The following TMEM132E variants were observed in gnomAD, a reference collection of about 807,000 sequenced individuals.
TMEM132E encodes transmembrane protein 132E.
TMEM132E carries 49 observed loss-of-function variants against 78.5 expected under a neutral mutation model. That is an observed-to-expected ratio of 0.62 (90% confidence interval 0.50 to 0.79). The LOEUF (loss-of-function observed/expected upper bound fraction) is 0.79. TMEM132E is among the 30% of genes least tolerant of loss of function. The pLI is 0.00. For missense variants in TMEM132E, 1,403 were observed against 1,470.9 expected (o/e 0.95, Z 0.75); for synonymous variants, 715 against 670.6 (o/e 1.07, Z -1.02).
Position 34,638,262 on chromosome 17 carries a change from C to A in TMEM132E, c.*30C>A, listed in dbSNP as rs780024023. ...GCCAGCCGGAGTAGCAGGGACCCCC[C>A]CCCCCAACGGGGTCAGCTCGGGGTA... On this transcript the variant is annotated 3_prime_UTR_variant, in exon 9 of 9. Transcript: ENST00000631683. The A allele has an allele frequency of 8.8e-6, 13 of 1,473,510 alleles. No individual in the cohort carries two copies. The highest frequency in any genetic ancestry group is 4.5e-5 in the African/African-American group (3 of 66,070). The allele number at this position is 1,473,510 out of a possible 1,614,324, so 91.3% of individuals were successfully genotyped here. A position where few individuals can be genotyped will look rare whatever the true frequency, so the allele number is the denominator to read the frequency against.
At chr17:34,583,505 C>A (rs772377855) in intron 1 of TMEM132E, among the ~76,000 whole-genome samples, 2 of 152,242 alleles carry the variant, frequency 1.3e-5, no homozygotes, top group Non-Finnish European at 2.9e-5. Context: ...CTGACACCCA[C>A]GTAGCCACCC....
Position 34,638,187 on chromosome 17 carries a change from C to G in TMEM132E, c.3180C>G (p.Pro1060=), listed in dbSNP as rs775715281. The G allele has an allele frequency of 1.9e-5, 31 of 1,605,902 alleles. No individual in the cohort carries two copies. In the Admixed American group the frequency reaches 4.6e-4, roughly 24 times the overall value. The change falls in exon 9 of 9, where the codon CCC becomes CCG. Residue 1060 remains proline (P), a synonymous_variant. Coordinates refer to ENST00000631683, the MANE Select transcript of TMEM132E (RefSeq NM_001304438.2). ...DVAGPTRPTA[P]PDLHNYMRRI... is the part of the protein sequence containing the mutation. ...CGGGCCCCACGCGGCCCACTGCACC[C>G]CCGGACCTGCACAATTACATGCGCA... is the stretch of plus-strand genomic sequence containing the variant.
At chr17:34,594,469 G>A (rs1212419820) in intron 1 of TMEM132E, among the ~76,000 whole-genome samples, 1 of 152,206 alleles carries the variant, frequency 6.6e-6, no homozygotes, top group Non-Finnish European at 1.5e-5. Flanking sequence ...TATAAAATGG[G>A]ATAATAAGAG....
chr17:34,597,046 C>G (rs1400561664), intron 1 of TMEM132E, among the ~76,000 whole-genome samples: 1 of 152,036 alleles, frequency 6.6e-6, no homozygotes, highest in African/African-American at 2.4e-5. Context: ...AGCCCTGCCT[C>G]CTCCCTCAGG....
chr17:34,632,107 G>T (rs577653276), intron 5 of TMEM132E, among the ~76,000 whole-genome samples: 1 of 152,256 alleles, frequency 6.6e-6, no homozygotes, highest in East Asian at 1.9e-4. Flanking sequence ...GGGTTCTAAG[G>T]TCCTGAGTTT....
intron 1 of TMEM132E, among the ~76,000 whole-genome samples, chr17:34,611,752 A>G (rs1301231611): frequency 6.6e-6 from 1 of 152,178 alleles, no homozygotes; most frequent in African/African-American, 2.4e-5. Context: ...CATTTTGTAG[A>G]TAGGGAAGCT....
intron 1 of TMEM132E, among the ~76,000 whole-genome samples, chr17:34,618,327 T>A (rs113508107): frequency 0.05 from 7,654 of 152,186 alleles, 235 homozygotes; most frequent in Non-Finnish European, 0.066. Flanking sequence ...AGCCTTGAAC[T>A]TCTGGGCTCA....
At position 34,626,164 on chromosome 17, in the gene TMEM132E, G is replaced by A. The variant is rs1318093542; in HGVS notation, c.105G>A (p.Pro35=). ...GRSHPASPSP[P]GPQASPVLPV... ...CCCACCCGGCCAGCCCCAGCCCGCC[G>A]GGGCCGCAGGCCAGCCCGGTGCTGC... The change falls in exon 2 of 9, where the codon CCG becomes CCA. Residue 35 remains proline (P), a synonymous_variant. Transcript: ENST00000631683. The A allele has an allele frequency of 8.4e-6, 13 of 1,551,298 alleles. No individual in the cohort carries two copies. The highest frequency in any genetic ancestry group is 2.3e-4 in the Middle Eastern group (1 of 4,408).
At chr17:34,594,695 T>A (rs1905995490) in intron 1 of TMEM132E, among the ~76,000 whole-genome samples, 1 of 152,196 alleles carries the variant, frequency 6.6e-6, no homozygotes, top group South Asian at 2.1e-4. Flanking sequence ...GCTCAAGTGA[T>A]CCTCCTGCCT....
rs1220440178 is a variant in TMEM132E at position 34,626,268 on chromosome 17, A to G, written c.209A>G (p.Asn70Ser). The G allele has an allele frequency of 7.5e-6, 12 of 1,606,752 alleles. No homozygotes were observed. The highest frequency in any genetic ancestry group is 1.0e-5 in the Non-Finnish European group (12 of 1,177,098). Reference sequence around the variant, plus strand: ...CGGCCCCCGTCACCCGCGGTCGCCAACAGCTCTCTGCAGCGCTCCGAGCCC... The same window carrying G: ...CGGCCCCCGTCACCCGCGGTCGCCAGCAGCTCTCTGCAGCGCTCCGAGCCC... ...EARPPSPAVANSSLQRSEPFV... is the reference protein window; with the variant it reads ...EARPPSPAVASSSLQRSEPFV... The change falls in exon 2 of 9, where the codon AAC (asparagine) becomes AGC (serine). Residue 70 changes from asparagine to serine, a missense_variant. Coordinates refer to ENST00000631683, the MANE Select transcript of TMEM132E (RefSeq NM_001304438.2).
At chr17:34,613,789 G>T (rs1345738531) in intron 1 of TMEM132E, among the ~76,000 whole-genome samples, 2 of 152,062 alleles carry the variant, frequency 1.3e-5, no homozygotes, top group African/African-American at 4.8e-5. Context: ...AGGCCCTGGG[G>T]GGTTGGTGGC....
intron 1 of TMEM132E, among the ~76,000 whole-genome samples, chr17:34,582,877 T>G (rs1046215453): frequency 2.0e-5 from 3 of 152,158 alleles, no homozygotes; most frequent in Admixed American, 1.3e-4. Context: ...AGCCCAACCA[T>G]GGCGTCACCT....
chr17:34,601,821 CTTGTGACCCCTCTCA>C (rs1435553994), intron 1 of TMEM132E, among the ~76,000 whole-genome samples: 14 of 152,210 alleles, frequency 9.2e-5, no homozygotes, highest in Non-Finnish European at 2.9e-5. Flanking sequence ...CTTCCTCAAC[CTTGTGACCCCTCTCA>C]TTGTCCTGCC....
chr17:34,583,583 C>CGGG (rs1479801326), intron 1 of TMEM132E, among the ~76,000 whole-genome samples: 1 of 152,154 alleles, frequency 6.6e-6, no homozygotes, highest in Admixed American at 6.5e-5. Context: ...GTTGGGGTTC[C>CGGG]GGGGCTTTTC....
Position 34,619,972 on chromosome 17 carries a change from CAAACTCACCAAACCT to C in TMEM132E, c.68-6152_68-6138del, listed in dbSNP as rs565202222. ...GCACACCTGCTGTGCCTCTGAACCA[CAAACTCACCAAACCT>C]AATGACAATTTTTTTTCTGATTTGC... On this transcript the variant is annotated intron_variant, in intron 1 of 8. Coordinates refer to ENST00000631683, the MANE Select transcript of TMEM132E (RefSeq NM_001304438.2). 3.0e-4 allele frequency among the ~76,000 whole-genome samples: 46 copies of C among 152,364 alleles called. 1 individual carries two copies. Among genetic ancestry groups the C allele is most frequent in the African/African-American group, 1.0e-3 (43 of 41,588 alleles).
chr17:34,611,810 G>C (rs1016364923), intron 1 of TMEM132E, among the ~76,000 whole-genome samples: 2 of 152,112 alleles, frequency 1.3e-5, no homozygotes, highest in African/African-American at 2.4e-5. Context: ...GATTCCAGGG[G>C]CTTCCATCCT....
chr17:34,637,336 G>C lies in TMEM132E; in HGVS notation c.2329G>C (p.Glu777Gln). The change falls in exon 9 of 9, where the codon GAG becomes CAG. Residue 777 changes from glutamate to glutamine, a missense_variant. Transcript: ENST00000631683. ...RAFPLVVAEA[E>Q]GSGELLRAEL... ...CTTCCCTCTGGTAGTGGCTGAGGCC[G>C]AGGGGTCAGGGGAGCTGCTTCGCGC... The C allele has an allele frequency of 6.2e-7, 1 of 1,614,054 alleles. No homozygotes were observed. Among genetic ancestry groups the C allele is most frequent in the East Asian group, 2.2e-5 (1 of 44,882 alleles).
At chr17:34,613,183 ACACACACACACACC>A (rs1906653141) in intron 1 of TMEM132E, among the ~76,000 whole-genome samples, 1 of 104,708 alleles carries the variant, frequency 9.6e-6, no homozygotes, top group Non-Finnish European at 2.2e-5. Flanking sequence ...CTACACACAC[ACACACACACACACC>A]CACACACACA....
Position 34,638,905 on chromosome 17 carries a change from G to C in TMEM132E, c.*673G>C, listed in dbSNP as rs1457672759. ...CTCAGGACTCCCACCTCTGCCCCAA[G>C]GGCTTTGGGCAGGGACCTAAAGGGG... is the stretch of plus-strand genomic sequence containing the variant. On this transcript the variant is annotated 3_prime_UTR_variant, in exon 9 of 9. Transcript: ENST00000631683. 1.3e-5 allele frequency: 2 copies of C among 152,504 alleles called. No homozygotes were observed. Among genetic ancestry groups the C allele is most frequent in the Non-Finnish European group, 2.9e-5 (2 of 68,048 alleles). 9.4% of individuals were successfully genotyped at this position (152,504 alleles called of 1,614,324 possible). A position where few individuals can be genotyped will look rare whatever the true frequency, so the allele number is the denominator to read the frequency against.
Sources: gnomAD v4.1 joint callset for allele counts (sites outside exome capture counted in the v4.1 genomes callset) on GRCh38, gnomAD v4.1.1 for gene constraint, MANE v1.5 for transcripts, NCBI Gene and HGNC (gene_info 2026-07-23, HGNC 2026-07-21) for gene names.